NYAP2: variants seen among roughly 807,000 people sequenced by gnomAD.
The protein encoded by NYAP2 is neuronal tyrosine-phosphorylated phosphoinositide-3-kinase adapter 2.
In NYAP2, 23 loss-of-function variants were observed where a neutral mutation model predicts 50.4. The observed-to-expected ratio is 0.46, with a 90% CI of 0.33 to 0.65. The LOEUF is 0.65. Among genes scored for constraint, NYAP2 ranks in the 30% least tolerant of loss-of-function variants. The pLI, the probability that NYAP2 is intolerant of heterozygous loss-of-function variation, is 0.02. For missense variants in NYAP2, 885 were observed against 861.0 expected (o/e 1.03, Z -0.35); for synonymous variants, 394 against 365.2 (o/e 1.08, Z -0.90).
At chr2:225,592,904 TA>T (rs1692534294) in intron 5 of NYAP2, among the ~76,000 whole-genome samples, 1 of 152,210 alleles carries the variant, frequency 6.6e-6, no homozygotes, top group Admixed American at 6.5e-5. Context: ...TTTAGATGTA[TA>T]AAATGCAGAA....
intron 3 of NYAP2, among the ~76,000 whole-genome samples, chr2:225,434,186 C>T (rs1574612516): frequency 6.6e-6 from 1 of 152,238 alleles, no homozygotes; most frequent in South Asian, 2.1e-4. Flanking sequence ...TACTCTGGAG[C>T]TGCAATAGGT....
intron 4 of NYAP2, among the ~76,000 whole-genome samples, chr2:225,579,679 A>C (rs1330958991): frequency 6.6e-6 from 1 of 152,148 alleles, no homozygotes; most frequent in African/African-American, 2.4e-5. Context: ...GCTTCTCTGA[A>C]TGCCGTGCCA....
At chr2:225,655,250 G>A (rs1481969262), downstream of NYAP2, among the ~76,000 whole-genome samples, 2 of 152,196 alleles carry the variant, frequency 1.3e-5, no homozygotes, top group Non-Finnish European at 2.9e-5. Flanking sequence ...AGCATTTAGA[G>A]TTTGCCCCAA....
intron 3 of NYAP2, among the ~76,000 whole-genome samples, chr2:225,419,388 T>C (rs946976997): frequency 1.2e-4 from 19 of 152,220 alleles, no homozygotes; most frequent in Non-Finnish European, 2.5e-4. Context: ...TCTTGGGTAT[T>C]TCAATAAACC....
chr2:225,579,553 T>A (rs1338233476), intron 4 of NYAP2, among the ~76,000 whole-genome samples: 1 of 152,216 alleles, frequency 6.6e-6, no homozygotes, highest in African/African-American at 2.4e-5. Flanking sequence ...GCAAACGAAA[T>A]GGCATTTGCT....
chr2:225,545,883 C>T (rs1171594809), intron 4 of NYAP2, among the ~76,000 whole-genome samples: 1 of 152,048 alleles, frequency 6.6e-6, no homozygotes, highest in African/African-American at 2.4e-5. Flanking sequence ...TTATCTAAGC[C>T]CTACTCGTGT....
chr2:225,567,178 C>T (rs914169397), intron 4 of NYAP2, among the ~76,000 whole-genome samples: 1 of 151,994 alleles, frequency 6.6e-6, no homozygotes, highest in Admixed American at 6.6e-5. Context: ...TAAGTATCTG[C>T]ATATCTAAAC....
intron 3 of NYAP2, among the ~76,000 whole-genome samples, chr2:225,409,978 G>A (rs755367863): frequency 3.3e-5 from 5 of 151,922 alleles, no homozygotes; most frequent in Non-Finnish European, 7.4e-5. Context: ...ATATTTTGAT[G>A]GTTAATTGGG....
chr2:225,694,231 A>C, the NYAP2 span, among the ~76,000 whole-genome samples: 1 of 152,044 alleles, frequency 6.6e-6, no homozygotes, highest in African/African-American at 2.4e-5. Context: ...CTTGGCTTCA[A>C]ATTCGTTTTA....
intron 5 of NYAP2, among the ~76,000 whole-genome samples, chr2:225,601,415 G>A (rs1290071906): frequency 2.6e-5 from 4 of 151,990 alleles, no homozygotes; most frequent in Non-Finnish European, 5.9e-5. Context: ...CTGGGATTAC[G>A]GGCGTGGACC....
At chr2:225,493,585 G>T (rs1463972493) in intron 3 of NYAP2, among the ~76,000 whole-genome samples, 1 of 152,106 alleles carries the variant, frequency 6.6e-6, no homozygotes. Flanking sequence ...CTACTGCCTT[G>T]GTTTGAGTCA....
chr2:225,453,134 A>C (rs1259915812), intron 3 of NYAP2, among the ~76,000 whole-genome samples: 1 of 152,194 alleles, frequency 6.6e-6, no homozygotes, highest in African/African-American at 2.4e-5. Context: ...AAATCTTACC[A>C]ATGATTTGAA....
intron 4 of NYAP2, among the ~76,000 whole-genome samples, chr2:225,515,636 A>G (rs997074055): frequency 6.6e-6 from 1 of 152,178 alleles, no homozygotes; most frequent in Non-Finnish European, 1.5e-5. Context: ...ACCCAGTAGT[A>G]TACTAAAAGG....
At chr2:225,587,583 C>T (rs1354316624) in intron 5 of NYAP2, among the ~76,000 whole-genome samples, 1 of 152,132 alleles carries the variant, frequency 6.6e-6, no homozygotes, top group Non-Finnish European at 1.5e-5. Context: ...ATGGTATCCT[C>T]TGAGGTGTCT....
intron 6 of NYAP2, among the ~76,000 whole-genome samples, chr2:225,642,387 C>T (rs1453655068): frequency 6.6e-6 from 1 of 152,112 alleles, no homozygotes; most frequent in South Asian, 2.1e-4. Context: ...ATGGAAAAAT[C>T]TTAACATGTA....
the NYAP2 span, among the ~76,000 whole-genome samples, chr2:225,661,518 TACAGC>T: frequency 6.6e-6 from 1 of 152,214 alleles, no homozygotes; most frequent in South Asian, 2.1e-4. Flanking sequence ...ATGTTGTTCT[TACAGC>T]ACACTTTTGA....
chr2:225,626,705 A>C (rs1252448340), intron 5 of NYAP2, among the ~76,000 whole-genome samples: 5 of 152,170 alleles, frequency 3.3e-5, no homozygotes, highest in African/African-American at 4.8e-5. Context: ...TCCAAAAAGA[A>C]AATTGTATTT....
the NYAP2 span, among the ~76,000 whole-genome samples, chr2:225,685,849 T>G: frequency 3.1e-4 from 47 of 150,994 alleles, no homozygotes; most frequent in African/African-American, 1.1e-3. Context: ...TTGCATCACA[T>G]GTCACTTATG....
the NYAP2 span, among the ~76,000 whole-genome samples, chr2:225,692,870 T>TACAC: frequency 0.018 from 2,328 of 132,824 alleles, 30 homozygotes; most frequent in African/African-American, 0.031. Flanking sequence ...TCTTTAAACA[T>TACAC]ACACACACAC....
Sources: gnomAD v4.1 joint callset for allele counts (sites outside exome capture counted in the v4.1 genomes callset) on GRCh38, gnomAD v4.1.1 for gene constraint, MANE v1.5 for transcripts, NCBI Gene and HGNC (gene_info 2026-07-23, HGNC 2026-07-21) for gene names.